Variants in AGBL4 observed in about 807,000 individuals in gnomAD.
The protein encoded by AGBL4 is AGBL carboxypeptidase 4.
Under a neutral mutation model 66.4 loss-of-function variants are expected in AGBL4, and 58 were observed. The ratio of observed to expected loss-of-function variants is 0.87; its 90% CI spans 0.71 to 1.09. The LOEUF is 1.09. AGBL4 is among the 50% of genes least tolerant of loss of function. AGBL4 has a pLI of 0.00. For synonymous variants in AGBL4, 234 were observed against 222.9 expected, an observed-to-expected ratio of 1.05 and a Z score of -0.44; for missense variants, 579 against 631.0, an observed-to-expected ratio of 0.92 and a Z score of 0.88.
intron 4 of AGBL4, among the ~76,000 whole-genome samples, chr1:49,077,000 C>T (rs1458392287): frequency 1.3e-5 from 2 of 152,102 alleles, no homozygotes; most frequent in African/African-American, 4.8e-5. Context: ...TATAAATGTG[C>T]TTTATTTTAA....
intron 6 of AGBL4, among the ~76,000 whole-genome samples, chr1:48,823,045 T>C (rs77322114): frequency 4.1e-4 from 63 of 152,334 alleles, no homozygotes; most frequent in African/African-American, 1.5e-3. Flanking sequence ...GACTATTCGA[T>C]AGAAAACATT....
intron 6 of AGBL4, among the ~76,000 whole-genome samples, chr1:48,797,924 G>T (rs144603450): frequency 6.6e-6 from 1 of 152,190 alleles, no homozygotes; most frequent in African/African-American, 2.4e-5. Flanking sequence ...ATTGCAAATT[G>T]TGCTGCTATA....
intron 5 of AGBL4, among the ~76,000 whole-genome samples, chr1:49,017,394 G>C (rs1662899910): frequency 6.6e-6 from 1 of 152,170 alleles, no homozygotes; most frequent in African/African-American, 2.4e-5. Context: ...ACCTGGATTA[G>C]AGCAGCACCT....
At chr1:48,997,206 A>G (rs1414465545) in intron 5 of AGBL4, among the ~76,000 whole-genome samples, 1 of 152,178 alleles carries the variant, frequency 6.6e-6, no homozygotes, top group African/African-American at 2.4e-5. Flanking sequence ...TACAGGTGTG[A>G]GCCACTGCAC....
At chr1:49,594,960 T>C (rs143553208) in intron 3 of AGBL4, among the ~76,000 whole-genome samples, 2,538 of 152,324 alleles carry the variant, frequency 0.017, 74 homozygotes, top group African/African-American at 0.058. Flanking sequence ...TCTTCCACAA[T>C]GGTTGAACTA....
chr1:48,916,409 G>A (rs951906304), intron 5 of AGBL4, among the ~76,000 whole-genome samples: 4 of 152,128 alleles, frequency 2.6e-5, no homozygotes, highest in Non-Finnish European at 5.9e-5. Context: ...AGAGGGAGGC[G>A]GGGCAACTGG....
chr1:49,736,477 C>T (rs543609792), intron 2 of AGBL4, among the ~76,000 whole-genome samples: 2 of 151,980 alleles, frequency 1.3e-5, no homozygotes, highest in Non-Finnish European at 2.9e-5. Context: ...AAAAAACCTG[C>T]CCTATATAAC....
intron 1 of AGBL4, among the ~76,000 whole-genome samples, chr1:49,862,758 G>C (rs891963517): frequency 6.6e-6 from 1 of 152,042 alleles, no homozygotes; most frequent in Admixed American, 6.6e-5. Flanking sequence ...AGGGCTGAAA[G>C]AAAAAAGCTT....
At chr1:49,977,999 C>A (rs1658720119) in intron 1 of AGBL4, among the ~76,000 whole-genome samples, 1 of 152,136 alleles carries the variant, frequency 6.6e-6, no homozygotes, top group Non-Finnish European at 1.5e-5. Context: ...AGATAGGAAG[C>A]CTCAAAGATA....
At chr1:49,134,204 C>G (rs1448649722) in intron 4 of AGBL4, among the ~76,000 whole-genome samples, 1 of 152,024 alleles carries the variant, frequency 6.6e-6, no homozygotes, top group African/African-American at 2.4e-5. Flanking sequence ...TCAAGGGCAA[C>G]AAAAGATCAC....
At chr1:49,640,251 T>C (rs982803927) in intron 3 of AGBL4, among the ~76,000 whole-genome samples, 1 of 152,170 alleles carries the variant, frequency 6.6e-6, no homozygotes, top group Non-Finnish European at 1.5e-5. Flanking sequence ...GTGTTATACT[T>C]GTAATAGAAC....
chr1:48,989,036 G>A (rs1252408050), intron 5 of AGBL4, among the ~76,000 whole-genome samples: 1 of 152,208 alleles, frequency 6.6e-6, no homozygotes, highest in Non-Finnish European at 1.5e-5. Flanking sequence ...GTCTCTGACA[G>A]ATACGGAGGT....
chr1:49,874,857 G>A (rs1451980842), intron 1 of AGBL4, among the ~76,000 whole-genome samples: 1 of 151,190 alleles, frequency 6.6e-6, no homozygotes, highest in Non-Finnish European at 1.5e-5. Context: ...TAAGTTTTAG[G>A]GTACATGTGC....
chr1:48,941,280 G>T (rs1483446978), intron 5 of AGBL4, among the ~76,000 whole-genome samples: 1 of 152,214 alleles, frequency 6.6e-6, no homozygotes, highest in African/African-American at 2.4e-5. Context: ...CAAGGTGTTT[G>T]CTGTGGGACA....
chr1:49,198,556 T>C lies in AGBL4; in HGVS notation c.377+47214A>G, dbSNP rs191504845. Among the ~76,000 whole-genome samples, 37 of 152,112 alleles carry C rather than the reference T, an allele frequency of 2.4e-4. No homozygotes were observed. The East Asian group carries it at 6.8e-3, about 28-fold the overall frequency. On this transcript the variant is annotated intron_variant, in intron 4 of 13. Coordinates refer to ENST00000371839, the MANE Select transcript of AGBL4 (RefSeq NM_032785.4). Reference sequence around the variant, plus strand: ...GGTATCACCATGTTGGCCAGGCTGGTCTAGAACTCCTGAACTCAGGTGATC... The same window carrying C: ...GGTATCACCATGTTGGCCAGGCTGGCCTAGAACTCCTGAACTCAGGTGATC...
intron 2 of AGBL4, among the ~76,000 whole-genome samples, chr1:49,823,703 T>C (rs1294661050): frequency 6.6e-6 from 1 of 151,986 alleles, no homozygotes; most frequent in Non-Finnish European, 1.5e-5. Flanking sequence ...TAAGGAGTGC[T>C]TGATATCCAA....
intron 2 of AGBL4, among the ~76,000 whole-genome samples, chr1:49,820,087 G>A (rs892104903): frequency 2.0e-5 from 3 of 152,134 alleles, no homozygotes; most frequent in South Asian, 4.1e-4. Context: ...AGTTGCATGA[G>A]CTTGAATTAT....
chr1:49,927,993 TTAGA>T (rs1187436208), intron 1 of AGBL4, among the ~76,000 whole-genome samples: 5 of 152,136 alleles, frequency 3.3e-5, no homozygotes, highest in Non-Finnish European at 4.4e-5. Context: ...ATTGTACATA[TTAGA>T]TAGACATATG....
intron 9 of AGBL4, among the ~76,000 whole-genome samples, chr1:48,618,767 G>C (rs1227734418): frequency 6.6e-6 from 1 of 152,138 alleles, no homozygotes. Context: ...AATTTACCTA[G>C]CATGCTCAAT....
Sources: allele counts gnomAD v4.1 joint callset (sites outside exome capture counted in the v4.1 genomes callset), GRCh38; gene constraint gnomAD v4.1.1; transcripts MANE v1.5; gene names NCBI Gene and HGNC (gene_info 2026-07-23, HGNC 2026-07-21).